ARHGAP17: variants seen among roughly 807,000 people sequenced by gnomAD.
ARHGAP17 encodes rho GTPase-activating protein 17.
ARHGAP17 carries 57 observed loss-of-function variants against 99.5 expected under a neutral mutation model. The ratio of observed to expected loss-of-function variants is 0.57; its 90% CI spans 0.46 to 0.71. The LOEUF is 0.71. ARHGAP17 is among the 30% of genes least tolerant of loss of function. ARHGAP17 has a pLI of 0.00. For synonymous variants in ARHGAP17, 417 were observed against 429.6 expected (o/e 0.97, Z 0.36); for missense variants, 1,000 against 1,122.4 (o/e 0.89, Z 1.56).
rs776113040 is a variant in ARHGAP17 at position 24,935,483 on chromosome 16, A to T, written c.1881T>A (p.His627Gln). 1.2e-6 allele frequency: 2 copies of T among 1,603,014 alleles called. No individual in the cohort carries two copies. The highest frequency in any genetic ancestry group is 4.5e-5 in the East Asian group (2 of 44,688). The change falls in exon 18 of 20, where the codon CAT becomes CAA. Residue 627 changes from histidine (H) to glutamine (Q), a missense_variant. This residue lies in a region of ARHGAP17 where 528 missense variants were observed against 511.4 expected (regional missense o/e 1.03). Transcript: ENST00000289968. Reference sequence around the variant, plus strand: ...GTGGCTGCTTACCTCGGCGCAGTGTATGCGGGCTGGGCCCTGCAGCATTGT... The same window carrying T: ...GTGGCTGCTTACCTCGGCGCAGTGTTTGCGGGCTGGGCCCTGCAGCATTGT... ...QPHNAAGPSP[H>Q]TLRRAVKKPA...
chr16:25,014,789 C>T (rs532077732), intron 1 of ARHGAP17, among the ~76,000 whole-genome samples: 1 of 152,366 alleles, frequency 6.6e-6, no homozygotes, highest in Non-Finnish European at 1.5e-5. Context: ...ACTGCCGCCC[C>T]CCACAGCACA....
chr16:24,951,373 A>G (rs2051640103), intron 12 of ARHGAP17, among the ~76,000 whole-genome samples: 1 of 152,252 alleles, frequency 6.6e-6, no homozygotes, highest in Admixed American at 6.5e-5. Flanking sequence ...TAAAGATTAC[A>G]GGAGGTAATA....
In ARHGAP17 at chr16:24,920,213, T is replaced by C. The variant is rs748352637; in HGVS notation, c.2563A>G (p.Met855Val). Residue 855 changes from methionine to valine, a missense_variant, in exon 20 of 20, where the codon ATG becomes GTG. Transcript: ENST00000289968. ...TCTTTGCTGGCTGAGTCTGAGTGCATTTCAGGAAAGATGCTGCGATGCGGT... is the reference window on the plus strand; with the variant it reads ...TCTTTGCTGGCTGAGTCTGAGTGCACTTCAGGAAAGATGCTGCGATGCGGT... The part of the protein sequence containing the change: ...SEPHRSIFPE[M>V]HSDSASKDVP... The C allele has an allele frequency of 6.2e-7, 1 of 1,614,044 alleles. No individual in the cohort carries two copies. The highest frequency in any genetic ancestry group is 1.1e-5 in the South Asian group (1 of 91,066).
chr16:24,949,236 C>T (rs2051561165), intron 13 of ARHGAP17, 168 bp downstream of exon 13: 3 of 527,426 alleles, frequency 5.7e-6, no homozygotes, highest in Admixed American at 3.6e-5. Context: ...TCATAATATA[C>T]ATGAAATCCC....
At chr16:24,954,246 A>G (rs548427036) in intron 10 of ARHGAP17, among the ~76,000 whole-genome samples, 1 of 152,332 alleles carries the variant, frequency 6.6e-6, no homozygotes, top group Non-Finnish European at 1.5e-5. Context: ...TGTAAACTAA[A>G]GCTCCTTAGC....
At position 24,920,147 on chromosome 16, in the gene ARHGAP17, C is replaced by T. The variant is rs1597344466; in HGVS notation, c.2629G>A (p.Glu877Lys). The change falls in exon 20 of 20, where the codon GAG becomes AAG. Residue 877 changes from glutamate (E) to lysine (K), a missense_variant. Physicochemically the swap from Glu to Lys is moderately conservative, Grantham distance 56. Transcript: ENST00000289968. ...GGCTTTCTTCACAGGGCAGTGCTCT[C>T]GGTATCATTGTCTATATCCAGCAGG... ...RILLDIDNDT[E>K]STAL is the part of the protein sequence containing the mutation. 10 of 1,614,026 alleles carry T rather than the reference C, an allele frequency of 6.2e-6. No homozygotes were observed. Among genetic ancestry groups the T allele is most frequent in the East Asian group, 2.2e-5 (1 of 44,874 alleles).
intron 16 of ARHGAP17, 106 bp downstream of exon 16, chr16:24,941,881 G>A (rs760615023): frequency 9.4e-6 from 14 of 1,490,456 alleles, no homozygotes; most frequent in Non-Finnish European, 1.3e-5. Context: ...TCAGTCATGG[G>A]TGGATGGCGA....
intron 12 of ARHGAP17, among the ~76,000 whole-genome samples, chr16:24,950,047 G>A (rs143636095): frequency 6.6e-5 from 10 of 152,318 alleles, no homozygotes; most frequent in Middle Eastern, 3.4e-3. Flanking sequence ...GCAGTGAGGA[G>A]CCTGTAGAGC....
At chr16:25,003,578 C>T (rs1030731652) in intron 1 of ARHGAP17, among the ~76,000 whole-genome samples, 10 of 152,172 alleles carry the variant, frequency 6.6e-5, no homozygotes, top group Middle Eastern at 3.4e-3. Flanking sequence ...AATCCCAGCA[C>T]TTTGGGAGGC....
chr16:24,936,045 T>G (rs1188388637), intron 17 of ARHGAP17: 4 of 312,082 alleles, frequency 1.3e-5, no homozygotes, highest in Non-Finnish European at 2.5e-5. Flanking sequence ...AAGCAACCAA[T>G]GCGGAGTTTT....
intron 12 of ARHGAP17, among the ~76,000 whole-genome samples, chr16:24,950,852 A>AAAAAAAAAAAAAAAAG (rs2051618769): frequency 6.6e-6 from 1 of 150,986 alleles, no homozygotes; most frequent in African/African-American, 2.4e-5. Flanking sequence ...AAAAAAAAAA[A>AAAAAAAAAAAAAAAAG]AAAAAAGAAA....
At chr16:24,976,471 G>A (rs79142806) in intron 3 of ARHGAP17, among the ~76,000 whole-genome samples, 1 of 152,208 alleles carries the variant, frequency 6.6e-6, no homozygotes, top group South Asian at 2.1e-4. Context: ...TGAGGCTGCA[G>A]TGAGCTGTGA....
chr16:24,950,656 G>A (rs1320458078), intron 12 of ARHGAP17, among the ~76,000 whole-genome samples: 1 of 151,964 alleles, frequency 6.6e-6, no homozygotes, highest in Non-Finnish European at 1.5e-5. Context: ...CCAACATGGT[G>A]AAACCTTGTC....
At chr16:25,009,738 TG>T (rs1011726451) in intron 1 of ARHGAP17, among the ~76,000 whole-genome samples, 10 of 152,114 alleles carry the variant, frequency 6.6e-5, no homozygotes, top group African/African-American at 2.4e-4. Context: ...ATCAGAAACC[TG>T]GGTTTGGGTC....
intron 14 of ARHGAP17, among the ~76,000 whole-genome samples, chr16:24,944,142 G>A (rs560380398): frequency 4.9e-4 from 75 of 151,788 alleles, no homozygotes; most frequent in African/African-American, 1.7e-3. Context: ...GTGGTGGTGC[G>A]TTCGCATAGT....
chr16:24,995,850 A>G (rs958292595), intron 1 of ARHGAP17, among the ~76,000 whole-genome samples: 4 of 152,230 alleles, frequency 2.6e-5, no homozygotes, highest in African/African-American at 9.6e-5. Context: ...ATGAACCAAC[A>G]AATAAAACTG....
intron 1 of ARHGAP17, among the ~76,000 whole-genome samples, chr16:24,996,232 C>T (rs893552281): frequency 1.3e-5 from 2 of 152,174 alleles, no homozygotes; most frequent in African/African-American, 2.4e-5. Flanking sequence ...ATTTCAGGAA[C>T]CTACCAGTGG....
At chr16:24,985,776 A>C (rs1318424668) in intron 1 of ARHGAP17, among the ~76,000 whole-genome samples, 7 of 152,176 alleles carry the variant, frequency 4.6e-5, no homozygotes, top group Non-Finnish European at 1.0e-4. Context: ...AACAGTGCCA[A>C]GGCTGAGAAG....
intron 4 of ARHGAP17, among the ~76,000 whole-genome samples, chr16:24,970,103 A>G (rs561785518): frequency 2.0e-5 from 3 of 152,270 alleles, no homozygotes; most frequent in Non-Finnish European, 4.4e-5. Context: ...CTCTTTTTAG[A>G]TAACTACCAT....
Sources: allele counts gnomAD v4.1 joint callset (sites outside exome capture counted in the v4.1 genomes callset), GRCh38; gene constraint gnomAD v4.1.1; regional missense constraint gnomAD v4.1.1; transcripts MANE v1.5; gene names NCBI Gene and HGNC (gene_info 2026-07-23, HGNC 2026-07-21).